Variants in SYN3 observed in about 807,000 individuals in gnomAD.
SYN3 encodes the protein synapsin III, also known as synapsin-3.
A neutral mutation model predicts 65.8 loss-of-function variants in SYN3; 35 were observed. That is an observed-to-expected ratio of 0.53 (90% CI 0.41 to 0.70). The LOEUF (loss-of-function observed/expected upper bound fraction) is 0.70. SYN3 is among the 30% of genes least tolerant of loss of function. SYN3 has a pLI of 0.00. For synonymous variants in SYN3, 270 were observed against 292.9 expected (o/e 0.92, Z 0.80); for missense variants, 680 against 749.0 (o/e 0.91, Z 1.08).
chr22:32,842,516 C>T (rs139601689), intron 6 of SYN3, among the ~76,000 whole-genome samples: 5 of 152,300 alleles, frequency 3.3e-5, no homozygotes, highest in African/African-American at 7.2e-5. Context: ...AAGAATCTTT[C>T]GGGTTCCTCT....
intron 3 of SYN3, among the ~76,000 whole-genome samples, chr22:32,971,840 A>AG (rs1032764227): frequency 6.6e-6 from 1 of 152,160 alleles, no homozygotes; most frequent in African/African-American, 2.4e-5. Flanking sequence ...CATCACTGGA[A>AG]GGGGGAAGAA....
chr22:32,924,537 C>A (rs185887275), intron 4 of SYN3, among the ~76,000 whole-genome samples: 1 of 152,220 alleles, frequency 6.6e-6, no homozygotes, highest in Non-Finnish European at 1.5e-5. Context: ...GCTGCTCAAA[C>A]TGAACCTGCA....
At chr22:32,686,548 CT>C (rs1387093887) in intron 6 of SYN3, among the ~76,000 whole-genome samples, 1 of 150,136 alleles carries the variant, frequency 6.7e-6, no homozygotes, top group East Asian at 2.0e-4. Context: ...GAGTTTGGTG[CT>C]GAAAGGAGAG....
chr22:32,985,036 G>A (rs767265240), intron 2 of SYN3, among the ~76,000 whole-genome samples: 2 of 152,086 alleles, frequency 1.3e-5, no homozygotes, highest in African/African-American at 2.4e-5. Context: ...ATGGCTTCAG[G>A]GCATACAGCC....
At chr22:32,814,470 T>C (rs1305536026) in intron 6 of SYN3, among the ~76,000 whole-genome samples, 1 of 152,078 alleles carries the variant, frequency 6.6e-6, no homozygotes, top group Non-Finnish European at 1.5e-5. Context: ...CCTTGGAAAA[T>C]AAAACAGAAA....
chr22:32,663,420 G>T (rs766599203), intron 6 of SYN3, among the ~76,000 whole-genome samples: 22 of 150,932 alleles, frequency 1.5e-4, no homozygotes, highest in Non-Finnish European at 2.9e-4. Context: ...TGCCTCAGCC[G>T]CCCGAATAGC....
At chr22:32,828,057 G>A (rs1001812968) in intron 6 of SYN3, among the ~76,000 whole-genome samples, 5 of 152,230 alleles carry the variant, frequency 3.3e-5, no homozygotes, top group Non-Finnish European at 5.9e-5. Flanking sequence ...TTCCTCCTCC[G>A]TTACTTAGGC....
At chr22:32,685,059 T>A (rs904861052) in intron 6 of SYN3, among the ~76,000 whole-genome samples, 19 of 152,286 alleles carry the variant, frequency 1.2e-4, no homozygotes, top group African/African-American at 4.6e-4. Context: ...ATGGCTACAT[T>A]CCTTTCACAC....
At chr22:32,707,861 C>G (rs1196898812) in intron 6 of SYN3, among the ~76,000 whole-genome samples, 3 of 152,188 alleles carry the variant, frequency 2.0e-5, no homozygotes, top group Non-Finnish European at 4.4e-5. Flanking sequence ...ACTTCACCTG[C>G]CTAAGCCTCT....
chr22:32,900,743 C>T (rs1190652476), intron 4 of SYN3, among the ~76,000 whole-genome samples: 1 of 152,212 alleles, frequency 6.6e-6, no homozygotes, highest in East Asian at 1.9e-4. Context: ...GATTTAAAGA[C>T]CTGGACATGT....
At chr22:32,536,195 C>T (rs971108145) in intron 9 of SYN3, among the ~76,000 whole-genome samples, 3 of 152,194 alleles carry the variant, frequency 2.0e-5, no homozygotes, top group African/African-American at 7.2e-5. Flanking sequence ...ACGACTGTCC[C>T]GTGAACACCT....
intron 2 of SYN3, among the ~76,000 whole-genome samples, chr22:32,988,352 A>AATAAAATG (rs2052599012): frequency 7.4e-6 from 1 of 135,618 alleles, no homozygotes; most frequent in South Asian, 2.4e-4. Flanking sequence ...ATAATAAAAT[A>AATAAAATG]AATAGATAAA....
At chr22:32,850,873 C>T (rs2048199399) in intron 6 of SYN3, among the ~76,000 whole-genome samples, 1 of 152,154 alleles carries the variant, frequency 6.6e-6, no homozygotes, top group South Asian at 2.1e-4. Flanking sequence ...GTGACGCAGC[C>T]CACGGTGGTA....
intron 2 of SYN3, among the ~76,000 whole-genome samples, chr22:33,005,230 A>G (rs71699): frequency 0.68 from 103,651 of 152,038 alleles, 35,781 homozygotes; most frequent in Middle Eastern, 0.73. Flanking sequence ...CTATGTGGCC[A>G]CCTTTGGAGA....
chr22:32,554,742 T>G (rs909150215), intron 7 of SYN3, among the ~76,000 whole-genome samples: 2 of 152,222 alleles, frequency 1.3e-5, no homozygotes, highest in African/African-American at 4.8e-5. Flanking sequence ...CCCTCCCTTG[T>G]CCGGTGTGCT....
chr22:33,046,037 G>A (rs2054058379), intron 1 of SYN3, among the ~76,000 whole-genome samples: 1 of 151,498 alleles, frequency 6.6e-6, no homozygotes, highest in Non-Finnish European at 1.5e-5. Flanking sequence ...TAATAGACCT[G>A]AACAGACACT....
At chr22:32,675,617 T>C (rs932928584) in intron 6 of SYN3, among the ~76,000 whole-genome samples, 1 of 152,090 alleles carries the variant, frequency 6.6e-6, no homozygotes, top group Admixed American at 6.6e-5. Flanking sequence ...GGGTACCCTC[T>C]AGAGAGATGA....
At chr22:32,524,777 G>A (rs1028202538) in intron 12 of SYN3, among the ~76,000 whole-genome samples, 5 of 152,138 alleles carry the variant, frequency 3.3e-5, no homozygotes, top group Admixed American at 1.3e-4. Flanking sequence ...TTGGGAGGCC[G>A]AGGCGGGTGG....
At chr22:32,755,935 G>T (rs2045276233) in intron 6 of SYN3, among the ~76,000 whole-genome samples, 1 of 152,068 alleles carries the variant, frequency 6.6e-6, no homozygotes, top group Non-Finnish European at 1.5e-5. Context: ...CATGGATGAA[G>T]CTGGAAACCA....
Sources: allele counts gnomAD v4.1 joint callset (sites outside exome capture counted in the v4.1 genomes callset), GRCh38; gene constraint gnomAD v4.1.1; transcripts MANE v1.5; gene names NCBI Gene and HGNC (gene_info 2026-07-23, HGNC 2026-07-21).